The following NEDD4L variants were observed in gnomAD, a reference collection of about 807,000 sequenced individuals.
NEDD4L encodes E3 ubiquitin-protein ligase NEDD4-like.
A neutral mutation model predicts 148.9 loss-of-function variants in NEDD4L; 54 were observed. The observed-to-expected ratio is 0.36, with a 90% CI of 0.29 to 0.45. The LOEUF (loss-of-function observed/expected upper bound fraction) is 0.45. NEDD4L is among the 20% of genes least tolerant of loss of function. The pLI is 1.00. For synonymous variants in NEDD4L, 433 were observed against 440.7 expected, an observed-to-expected ratio of 0.98 and a Z score of 0.22; for missense variants, 856 against 1,233.8, an observed-to-expected ratio of 0.69 and a Z score of 4.59.
intron 18 of NEDD4L, 73 bp downstream of exon 18, chr18:58,351,118 A>G: frequency 7.1e-6 from 11 of 1,544,998 alleles, no homozygotes; most frequent in Non-Finnish European, 8.8e-6. Flanking sequence ...ATCATAGTGA[A>G]AGCTTTGTCA....
At chr18:58,069,110 T>C (rs1341981408) in intron 1 of NEDD4L, among the ~76,000 whole-genome samples, 1 of 140,382 alleles carries the variant, frequency 7.1e-6, no homozygotes, top group Non-Finnish European at 1.5e-5. Context: ...TGCTCCAGCC[T>C]GTGTGATAGA....
intron 5 of NEDD4L, among the ~76,000 whole-genome samples, chr18:58,282,675 G>A (rs2053320559): frequency 1.3e-5 from 2 of 152,194 alleles, no homozygotes; most frequent in South Asian, 4.1e-4. Context: ...GGGTAAATTA[G>A]CGGTATGGAT....
At chr18:58,349,484 T>G (rs2043591540) in intron 16 of NEDD4L, 53 bp from the exon 17 acceptor site, 2 of 1,475,460 alleles carry the variant, frequency 1.4e-6, no homozygotes, top group Non-Finnish European at 1.9e-6. Context: ...ACCCAGTAAC[T>G]GCACACAGAT....
At chr18:58,241,988 A>G (rs1041068796) in intron 2 of NEDD4L, among the ~76,000 whole-genome samples, 3 of 151,556 alleles carry the variant, frequency 2.0e-5, no homozygotes, top group Non-Finnish European at 4.4e-5. Flanking sequence ...AGCAGCAGCC[A>G]CTAGAACGGT....
chr18:58,176,278 C>G (rs503703), intron 2 of NEDD4L, among the ~76,000 whole-genome samples: 73,252 of 151,710 alleles, frequency 0.48, 18,061 homozygotes, highest in Admixed American at 0.58. Flanking sequence ...CTGTCGTCCT[C>G]TCTCTCTCCT....
At chr18:58,149,265 G>A in intron 1 of NEDD4L, 2 of 584,176 alleles carry the variant, frequency 3.4e-6, no homozygotes, top group Admixed American at 4.1e-5. Flanking sequence ...GGGAGAGGCT[G>A]GACCTTGGTG....
At chr18:58,068,596 A>G (rs1161725133) in intron 1 of NEDD4L, among the ~76,000 whole-genome samples, 2 of 152,234 alleles carry the variant, frequency 1.3e-5, no homozygotes, top group East Asian at 3.8e-4. Flanking sequence ...ATTTACTTGC[A>G]AAGTGAGAGA....
chr18:58,396,340 CT>C lies in NEDD4L; in HGVS notation c.*75del. 9.4e-7 allele frequency: 1 copy of C among 1,059,348 alleles called. No homozygotes were observed. The highest frequency in any genetic ancestry group is 1.4e-6 in the Non-Finnish European group (1 of 696,978). 65.6% of individuals were successfully genotyped at this position (1,059,348 alleles called of 1,614,324 possible). A position where few individuals can be genotyped will look rare whatever the true frequency, so the allele number is the denominator to read the frequency against. Reference sequence around the variant, plus strand: ...TGCACTTTTGCATTTGCCTAACAGACTTTTGCAGAGGCGATGGCAGAGAGCA... The same window carrying C: ...TGCACTTTTGCATTTGCCTAACAGACTTTGCAGAGGCGATGGCAGAGAGCA... On this transcript the variant is annotated 3_prime_UTR_variant, in exon 31 of 31. Transcript: ENST00000400345.
chr18:58,293,694 T>C (rs1262571142), intron 5 of NEDD4L, among the ~76,000 whole-genome samples: 2 of 152,238 alleles, frequency 1.3e-5, no homozygotes, highest in African/African-American at 4.8e-5. Flanking sequence ...TGGGTTCTCA[T>C]GAGTTGTTTA....
chr18:58,387,131 C>T (rs1271384116), intron 26 of NEDD4L, among the ~76,000 whole-genome samples: 1 of 152,216 alleles, frequency 6.6e-6, no homozygotes, highest in African/African-American at 2.4e-5. Flanking sequence ...TCTTAGGACG[C>T]ACTGACTCAC....
intron 1 of NEDD4L, among the ~76,000 whole-genome samples, chr18:58,105,742 G>A (rs971310936): frequency 1.3e-5 from 2 of 152,188 alleles, no homozygotes. Context: ...AATGGTTCAA[G>A]CCCTCTGACT....
chr18:58,227,870 A>G (rs539411099), intron 2 of NEDD4L: 2 of 982,944 alleles, frequency 2.0e-6, no homozygotes, highest in East Asian at 1.1e-4. Flanking sequence ...TGGTCGTGAC[A>G]TCAGAAAAAT....
At chr18:58,267,745 G>C (rs1028921589) in intron 5 of NEDD4L, among the ~76,000 whole-genome samples, 1 of 152,006 alleles carries the variant, frequency 6.6e-6, no homozygotes, top group Non-Finnish European at 1.5e-5. Flanking sequence ...ATATATTTTT[G>C]CACTTTTGCA....
At chr18:58,277,960 G>A (rs2052397935) in intron 5 of NEDD4L, among the ~76,000 whole-genome samples, 1 of 152,018 alleles carries the variant, frequency 6.6e-6, no homozygotes, top group African/African-American at 2.4e-5. Flanking sequence ...GGGTGTCCAT[G>A]GTCCTCTTTG....
chr18:58,369,844 G>A (rs948313616), intron 22 of NEDD4L, among the ~76,000 whole-genome samples: 2 of 152,186 alleles, frequency 1.3e-5, no homozygotes, highest in African/African-American at 2.4e-5. Flanking sequence ...GGCCCTCTCC[G>A]GGGCCTTCCC....
At chr18:58,321,697 A>C (rs1437096153) in intron 6 of NEDD4L, among the ~76,000 whole-genome samples, 2 of 152,260 alleles carry the variant, frequency 1.3e-5, no homozygotes, top group Non-Finnish European at 2.9e-5. Context: ...TTGCTATAAA[A>C]GTATTTGAAA....
chr18:58,365,010 T>C (rs2045933408), intron 20 of NEDD4L, among the ~76,000 whole-genome samples: 1 of 152,168 alleles, frequency 6.6e-6, no homozygotes, highest in Non-Finnish European at 1.5e-5. Flanking sequence ...TGGTTACACC[T>C]CTAGGGAGGG....
intron 1 of NEDD4L, among the ~76,000 whole-genome samples, chr18:58,134,839 CTG>C (rs146448266): frequency 0.026 from 3,911 of 148,988 alleles, 178 homozygotes; most frequent in African/African-American, 0.092. Flanking sequence ...GAGCTACTGA[CTG>C]TGATTACAGT....
intron 5 of NEDD4L, among the ~76,000 whole-genome samples, chr18:58,276,212 T>TTTTTTTTG (rs1555782967): frequency 9.7e-6 from 1 of 103,448 alleles, no homozygotes; most frequent in African/African-American, 3.6e-5. Context: ...TTTTTTTTTT[T>TTTTTTTTG]GGGTGGGGAG....
Sources: allele counts gnomAD v4.1 joint callset (sites outside exome capture counted in the v4.1 genomes callset), GRCh38; gene constraint gnomAD v4.1.1; transcripts MANE v1.5; gene names NCBI Gene and HGNC (gene_info 2026-07-23, HGNC 2026-07-21).